The following TBC1D14 variants were observed in gnomAD, a reference collection of about 807,000 sequenced individuals.
The protein encoded by TBC1D14 is TBC1 domain family member 14.
TBC1D14 carries 26 observed loss-of-function variants against 79.0 expected under a neutral mutation model. The observed-to-expected ratio is 0.33, with a 90% confidence interval of 0.24 to 0.46. The LOEUF is 0.46. Among genes scored for constraint, TBC1D14 ranks in the 20% least tolerant of loss-of-function variants. The pLI, the probability that TBC1D14 is intolerant of heterozygous loss-of-function variation, is 1.00. For synonymous variants in TBC1D14, 394 were observed against 349.9 expected (o/e 1.13, Z -1.40); for missense variants, 769 against 887.6 (o/e 0.87, Z 1.70).
At chr4:6,954,310 A>G (rs1169238766) in intron 2 of TBC1D14, 2 of 717,362 alleles carry the variant, frequency 2.8e-6, no homozygotes, top group African/African-American at 1.7e-5. Context: ...CATGATGGCC[A>G]TCTCCCCTGC....
chr4:7,008,070 C>T (rs1425054995), intron 9 of TBC1D14, among the ~76,000 whole-genome samples: 1 of 152,230 alleles, frequency 6.6e-6, no homozygotes, highest in Non-Finnish European at 1.5e-5. Flanking sequence ...GGTGATCATA[C>T]TGGCCTAACA....
rs554224020 is a variant in TBC1D14 at position 6,966,896 on chromosome 4, G to A, written c.723-408G>A. ...ACGATCTCAGCTCACTGCAAGCTCC[G>A]CCTCCCAGGTTCATGTCATTCTCCT... is the stretch of plus-strand genomic sequence containing the variant. On this transcript the variant is annotated intron_variant, in intron 2 of 13. Transcript: ENST00000409757. Among the ~76,000 whole-genome samples the A allele has an allele frequency of 4.6e-5, 7 of 152,264 alleles. No individual in the cohort carries two copies. In the South Asian group the frequency reaches 8.3e-4, roughly 18 times the overall value.
chr4:6,962,731 G>C (rs1267023555), intron 2 of TBC1D14, among the ~76,000 whole-genome samples: 10 of 152,032 alleles, frequency 6.6e-5, no homozygotes, highest in Non-Finnish European at 1.3e-4. Flanking sequence ...GCCCCCCACT[G>C]CCCATTACCC....
chr4:6,933,252 CCCTCCCCTCCCCT>C, intron 2 of TBC1D14, among the ~76,000 whole-genome samples: 1 of 12,328 alleles, frequency 8.1e-5, no homozygotes, highest in African/African-American at 2.5e-4. Flanking sequence ...CCCTCCCCTC[CCCTCCCCTCCCCT>C]CCCTTCCCCT....
At chr4:7,017,785 C>G (rs988399884) in intron 12 of TBC1D14, among the ~76,000 whole-genome samples, 1 of 152,186 alleles carries the variant, frequency 6.6e-6, no homozygotes, top group African/African-American at 2.4e-5. Flanking sequence ...TATAGAAAGG[C>G]ATTAGTAAAT....
chr4:6,943,371 T>C (rs1419971602), intron 2 of TBC1D14, among the ~76,000 whole-genome samples: 1 of 152,222 alleles, frequency 6.6e-6, no homozygotes, highest in African/African-American at 2.4e-5. Context: ...ATTAAATGCC[T>C]GAAACCGATT....
intron 1 of TBC1D14, among the ~76,000 whole-genome samples, chr4:6,921,349 C>A (rs540708633): frequency 3.3e-4 from 50 of 151,968 alleles, no homozygotes; most frequent in Non-Finnish European, 5.7e-4. Context: ...GCTAGGACCA[C>A]AGACGTGCCA....
At chr4:6,948,413 G>A (rs1713689227) in intron 2 of TBC1D14, among the ~76,000 whole-genome samples, 1 of 152,206 alleles carries the variant, frequency 6.6e-6, no homozygotes. Context: ...GTTTTGCATA[G>A]CAGTAGCATC....
chr4:7,022,347 G>A (rs1241020541), intron 12 of TBC1D14, among the ~76,000 whole-genome samples: 1 of 152,244 alleles, frequency 6.6e-6, no homozygotes, highest in Non-Finnish European at 1.5e-5. Flanking sequence ...GATGCAGGAT[G>A]GTATGCGAGG....
At position 6,924,120 on chromosome 4, in the gene TBC1D14, A is replaced by G. The variant is rs1308991041; in HGVS notation, c.722+9A>G. ...AGTAACTTCTTTGCAAGGTAATGCC[A>G]TCTTTGCCCTCTAGAAGATCGTGGT... On this transcript the variant is annotated intron_variant, in intron 2 of 13. Coordinates refer to ENST00000409757, the MANE Select transcript of TBC1D14 (RefSeq NM_020773.3). 9 of 1,606,596 alleles carry G rather than the reference A, an allele frequency of 5.6e-6. No individual in the cohort carries two copies. Among genetic ancestry groups the G allele is most frequent in the Non-Finnish European group, 6.0e-6 (7 of 1,176,202 alleles).
intron 12 of TBC1D14, among the ~76,000 whole-genome samples, chr4:7,016,494 C>G (rs1372307776): frequency 6.6e-6 from 1 of 152,172 alleles, no homozygotes. Flanking sequence ...AGGACCTGAG[C>G]CTTTAGCTTC....
intron 3 of TBC1D14, among the ~76,000 whole-genome samples, chr4:6,983,780 C>G (rs1426410654): frequency 1.3e-5 from 2 of 152,188 alleles, no homozygotes; most frequent in Non-Finnish European, 2.9e-5. Context: ...CTTCTATTAT[C>G]CTGGTAACAG....
At chr4:6,988,582 C>T (rs1718126459) in intron 3 of TBC1D14, among the ~76,000 whole-genome samples, 1 of 152,230 alleles carries the variant, frequency 6.6e-6, no homozygotes, top group Non-Finnish European at 1.5e-5. Context: ...GCCAGCCTGC[C>T]TTGGCAGCTT....
At chr4:6,995,758 T>C in intron 4 of TBC1D14, 1 of 152,660 alleles carries the variant, frequency 6.6e-6, no homozygotes, top group South Asian at 2.1e-4. Flanking sequence ...GTGATCCACC[T>C]GCCTCGGCCT....
intron 2 of TBC1D14, among the ~76,000 whole-genome samples, chr4:6,948,732 G>A (rs559329000): frequency 1.4e-5 from 2 of 147,054 alleles, no homozygotes; most frequent in Admixed American, 6.7e-5. Context: ...TTGAGACAGA[G>A]TCTGTCACCC....
intron 1 of TBC1D14, among the ~76,000 whole-genome samples, chr4:6,913,997 G>A (rs1446119274): frequency 6.6e-6 from 1 of 152,030 alleles, no homozygotes; most frequent in African/African-American, 2.4e-5. Context: ...TTAGCTGGGT[G>A]GACGTGGTGG....
chr4:6,931,411 A>T (rs1711719750), intron 2 of TBC1D14, among the ~76,000 whole-genome samples: 1 of 152,170 alleles, frequency 6.6e-6, no homozygotes, highest in South Asian at 2.1e-4. Context: ...CCTTGACCCG[A>T]GACGTTTCTT....
rs2109268809 is a variant in TBC1D14, at chr4:7,014,347, A to C, written c.1648-101A>C. 4.3e-6 allele frequency: 3 copies of C among 698,274 alleles called. No individual in the cohort carries two copies. The East Asian group carries it at 8.3e-5, about 19-fold the overall frequency. 43.3% of individuals were successfully genotyped at this position (698,274 alleles called of 1,614,324 possible). A position where few individuals can be genotyped will look rare whatever the true frequency, so the allele number is the denominator to read the frequency against. On this transcript the variant is annotated intron_variant, in intron 11 of 13. Coordinates refer to ENST00000409757, the MANE Select transcript of TBC1D14 (RefSeq NM_020773.3). ...CAAAGTGTATTAGTAATTACAGAAGAAGGTAATTGTTAGAGTCTAAAGATA... is the reference window on the plus strand; with the variant it reads ...CAAAGTGTATTAGTAATTACAGAAGCAGGTAATTGTTAGAGTCTAAAGATA...
intron 4 of TBC1D14, chr4:6,995,371 G>A: frequency 6.6e-6 from 1 of 152,198 alleles, no homozygotes; most frequent in Non-Finnish European, 1.5e-5. Flanking sequence ...ATTAGGTGTT[G>A]ACAGTTATTA....
Sources: allele counts gnomAD v4.1 joint callset (sites outside exome capture counted in the v4.1 genomes callset), GRCh38; gene constraint gnomAD v4.1.1; transcripts MANE v1.5; gene names NCBI Gene and HGNC (gene_info 2026-07-23, HGNC 2026-07-21).